MYO6: variants seen among roughly 807,000 people sequenced by gnomAD.
MYO6 encodes the protein unconventional myosin-VI.
In MYO6, 74 loss-of-function variants were observed where a neutral mutation model predicts 178.7. The ratio of observed to expected loss-of-function variants is 0.41; its 90% CI spans 0.34 to 0.50. The LOEUF is 0.50. MYO6 is among the 20% of genes least tolerant of loss of function. MYO6 has a pLI of 0.09. For missense variants in MYO6, 1,330 were observed against 1,547.4 expected, an observed-to-expected ratio of 0.86 and a Z score of 2.36; for synonymous variants, 477 against 504.6, an observed-to-expected ratio of 0.95 and a Z score of 0.73.
intron 23 of MYO6, among the ~76,000 whole-genome samples, chr6:75,882,361 T>C (rs555148952): frequency 2.6e-5 from 4 of 152,216 alleles, no homozygotes; most frequent in Non-Finnish European, 5.9e-5. Flanking sequence ...CTTAGAGATA[T>C]CTCTCTAAAC....
intron 1 of MYO6, among the ~76,000 whole-genome samples, chr6:75,811,164 G>A (rs1770668802): frequency 6.6e-6 from 1 of 152,104 alleles, no homozygotes; most frequent in African/African-American, 2.4e-5. Flanking sequence ...AGTTTGTGTG[G>A]TTGGTGTGAG....
chr6:75,894,175 T>A (rs1326227289), intron 28 of MYO6, among the ~76,000 whole-genome samples: 1 of 152,214 alleles, frequency 6.6e-6, no homozygotes, highest in Non-Finnish European at 1.5e-5. Context: ...TCCAGTGCCA[T>A]TCCATATACT....
chr6:75,886,236 G>A, intron 24 of MYO6, 142 bp downstream of exon 24: 1 of 628,232 alleles, frequency 1.6e-6, no homozygotes, highest in Non-Finnish European at 2.8e-6. Context: ...TCTTTTATTT[G>A]TAATATTTAT....
intron 8 of MYO6, 47 bp from the exon 9 acceptor site, chr6:75,841,167 A>T: frequency 6.5e-7 from 1 of 1,544,132 alleles, no homozygotes; most frequent in Non-Finnish European, 8.9e-7. Flanking sequence ...ATTATATTTT[A>T]AGACTTTAAA....
chr6:75,794,621 C>T (rs1052113794), intron 1 of MYO6, among the ~76,000 whole-genome samples: 1 of 151,670 alleles, frequency 6.6e-6, no homozygotes, highest in African/African-American at 2.4e-5. Flanking sequence ...CAAATACGTA[C>T]CTAGGAGCGA....
Position 75,857,097 on chromosome 6 carries a change from G to A in MYO6, c.1224G>A (p.Lys408=). The part of the protein sequence containing the change: ...TAGGTKGTVI[K]VPLKVEQANN... ...TTACTAGCATAGTTTTCTTTTATAG[G>A]GTACCTCTGAAAGTGGAGCAAGCAA... Residue 408 remains lysine, a splice_region_variant and synonymous_variant, in exon 13 of 35, where the codon AAG becomes AAA. Coordinates refer to ENST00000369977, the MANE Select transcript of MYO6 (RefSeq NM_004999.4). 1 of 1,613,676 alleles carries A rather than the reference G, an allele frequency of 6.2e-7. No homozygotes were observed. The highest frequency in any genetic ancestry group is 1.1e-5 in the South Asian group (1 of 91,054).
chr6:75,820,307 T>C (rs1176893112), intron 2 of MYO6, among the ~76,000 whole-genome samples: 1 of 152,204 alleles, frequency 6.6e-6, no homozygotes, highest in African/African-American at 2.4e-5. Flanking sequence ...TGATGTTATG[T>C]GCTTTGTGTC....
chr6:75,758,930 C>A (rs1375620261), intron 1 of MYO6, among the ~76,000 whole-genome samples: 1 of 150,126 alleles, frequency 6.7e-6, no homozygotes, highest in Non-Finnish European at 1.5e-5. Context: ...AGTGCAGTGG[C>A]ATGATCTCAG....
intron 14 of MYO6, 51 bp downstream of exon 14, chr6:75,859,044 T>G (rs1446935571): frequency 1.6e-6 from 2 of 1,234,456 alleles, no homozygotes. Context: ...CTATTTTAAA[T>G]TTTAAGGAAG....
intron 11 of MYO6, among the ~76,000 whole-genome samples, chr6:75,854,598 G>T (rs1056536881): frequency 1.3e-5 from 2 of 152,026 alleles, no homozygotes; most frequent in Non-Finnish European, 2.9e-5. Context: ...TCAGTTAAGG[G>T]ATACTCAGCC....
chr6:75,888,489 GCCTGAGGTCC>G (rs1778646162), intron 25 of MYO6, among the ~76,000 whole-genome samples: 1 of 151,690 alleles, frequency 6.6e-6, no homozygotes, highest in Non-Finnish European at 1.5e-5. Context: ...GGTGGTATGA[GCCTGAGGTCC>G]CAAGGAAGCT....
chr6:75,812,838 C>G (rs1308786157), intron 1 of MYO6, among the ~76,000 whole-genome samples: 2 of 152,076 alleles, frequency 1.3e-5, no homozygotes, highest in African/African-American at 4.8e-5. Flanking sequence ...TTGTCTTTAT[C>G]CATTCTTCTG....
At chr6:75,859,935 C>T (rs1191976648) in intron 14 of MYO6, among the ~76,000 whole-genome samples, 1 of 152,202 alleles carries the variant, frequency 6.6e-6, no homozygotes, top group Non-Finnish European at 1.5e-5. Context: ...GCTGGGATTA[C>T]AGGCGTGAGC....
In MYO6 at chr6:75,848,538, TTTTTA is replaced by T. The variant is rs746675405; in HGVS notation, c.1078+12_1078+16del. 57 of 1,608,228 alleles carry T rather than the reference TTTTTA, an allele frequency of 3.5e-5. No homozygotes were observed. Among genetic ancestry groups the T allele is most frequent in the Non-Finnish European group, 1.7e-5 (20 of 1,178,618 alleles). ...GAAGCTGGCAGCACTTCAGGTTTGC[TTTTTA>T]TTTTTTTAAGAGGAAAAAAATTAAA... On this transcript the variant is annotated splice_region_variant and intron_variant, in intron 11 of 34. Transcript: ENST00000369977.
intron 5 of MYO6, among the ~76,000 whole-genome samples, chr6:75,831,444 A>G (rs1305450526): frequency 6.6e-6 from 1 of 152,246 alleles, no homozygotes; most frequent in African/African-American, 2.4e-5. Flanking sequence ...AAGCTATGAC[A>G]GGCATCGTTG....
intron 30 of MYO6, among the ~76,000 whole-genome samples, chr6:75,903,251 G>T (rs1412301771): frequency 6.6e-6 from 1 of 151,982 alleles, no homozygotes; most frequent in African/African-American, 2.4e-5. Flanking sequence ...TCCGCTTGGT[G>T]CAGAGCTGAG....
chr6:75,856,357 A>T (rs1347023023), intron 12 of MYO6, among the ~76,000 whole-genome samples: 2 of 152,178 alleles, frequency 1.3e-5, no homozygotes, highest in East Asian at 3.9e-4. Context: ...TAGCGTGTCC[A>T]CATGAAACTT....
intron 3 of MYO6, among the ~76,000 whole-genome samples, chr6:75,824,261 T>G (rs2150190506): frequency 6.6e-6 from 1 of 152,362 alleles, no homozygotes; most frequent in South Asian, 2.1e-4. Context: ...GCAACCTCAG[T>G]ATTTGCTGCC....
At chr6:75,794,770 C>G (rs916396380) in intron 1 of MYO6, among the ~76,000 whole-genome samples, 6 of 151,090 alleles carry the variant, frequency 4.0e-5, no homozygotes, top group Admixed American at 2.6e-4. Context: ...ATAAAATGTG[C>G]TCTTTTATCA....
Sources: gnomAD v4.1 joint callset for allele counts (sites outside exome capture counted in the v4.1 genomes callset) on GRCh38, gnomAD v4.1.1 for gene constraint, MANE v1.5 for transcripts, NCBI Gene and HGNC (gene_info 2026-07-23, HGNC 2026-07-21) for gene names.